Variants in HMCN1 observed in about 807,000 individuals in gnomAD.
HMCN1 encodes hemicentin 1.
A neutral mutation model predicts 625.9 loss-of-function variants in HMCN1; 321 were observed. The ratio of observed to expected loss-of-function variants is 0.51; its 90% CI spans 0.47 to 0.56. The LOEUF (loss-of-function observed/expected upper bound fraction) is 0.56. Among genes scored for constraint, HMCN1 ranks in the 20% least tolerant of loss-of-function variants. HMCN1 has a pLI of 0.00. For missense variants in HMCN1, 6,588 were observed against 6,887.3 expected, an observed-to-expected ratio of 0.96 and a Z score of 1.54; for synonymous variants, 2,425 against 2,417.6, an observed-to-expected ratio of 1.00 and a Z score of -0.09.
intron 38 of HMCN1, 113 bp from the exon 39 acceptor site, chr1:186,039,615 A>C: frequency 8.4e-7 from 1 of 1,188,744 alleles, no homozygotes; most frequent in Non-Finnish European, 1.3e-6. Context: ...ACCAAAAAAC[A>C]AGCAAACCCT....
intron 80 of HMCN1, among the ~76,000 whole-genome samples, chr1:186,122,544 G>A (rs1051903894): frequency 6.6e-6 from 1 of 152,104 alleles, no homozygotes; most frequent in Non-Finnish European, 1.5e-5. Context: ...ATGGAAATAC[G>A]TAAGTAAAAG....
Position 186,045,753 on chromosome 1 carries a change from C to A in HMCN1, c.6370C>A (p.Leu2124Ile), listed in dbSNP as rs1656522211. The change falls in exon 41 of 107, where the codon CTA (leucine) becomes ATA (isoleucine). Residue 2124 changes from leucine (L) to isoleucine (I), a missense_variant. Coordinates refer to ENST00000271588, the MANE Select transcript of HMCN1 (RefSeq NM_031935.3). The part of the protein sequence containing the change: ...SVLISQAVEL[L>I]CQSDAIPPPT... Reference sequence around the variant, plus strand: ...CCTCATTAGCCAAGCTGTGGAATTACTATGTCAAAGTGATGCTATTCCCCC... The same window carrying A: ...CCTCATTAGCCAAGCTGTGGAATTAATATGTCAAAGTGATGCTATTCCCCC... 6.2e-7 allele frequency: 1 copy of A among 1,612,926 alleles called. No homozygotes were observed. Among genetic ancestry groups the A allele is most frequent in the African/African-American group, 1.3e-5 (1 of 74,856 alleles).
intron 1 of HMCN1, among the ~76,000 whole-genome samples, chr1:185,784,136 G>A (rs987058984): frequency 5.9e-5 from 9 of 152,334 alleles, no homozygotes; most frequent in South Asian, 4.1e-4. Context: ...CTCTGTGGGC[G>A]TGGGACCCTC....
In HMCN1 at chr1:186,178,714, T is replaced by C; in HGVS notation, c.16242T>C (p.Thr5414=). The C allele has an allele frequency of 1.2e-6, 2 of 1,614,134 alleles. No homozygotes were observed. Among genetic ancestry groups the C allele is most frequent in the Non-Finnish European group, 1.7e-6 (2 of 1,179,970 alleles). Residue 5414 remains threonine, a synonymous_variant, in exon 104 of 107, where the codon ACT becomes ACC. Transcript: ENST00000271588. The part of the protein sequence containing the change: ...SRTSLSRTRR[T]IRKTCPEGSE... The stretch of plus-strand genomic sequence containing the variant: ...CATCTCTCTCCAGGACTAGAAGGAC[T>C]ATTAGGAAAACTTGCCCTGAAGGCT...
chr1:186,095,344 A>G lies in HMCN1; in HGVS notation c.10396A>G (p.Ser3466Gly), dbSNP rs146782278. 5.6e-6 allele frequency: 9 copies of G among 1,613,636 alleles called. No homozygotes were observed. In the African/African-American group the frequency reaches 1.2e-4, roughly 22 times the overall value. Residue 3466 changes from serine to glycine, a missense_variant, in exon 68 of 107, where the codon AGT becomes GGT. Physicochemically the swap from Ser to Gly is moderately conservative, Grantham distance 56 (BLOSUM62 0). Coordinates refer to ENST00000271588, the MANE Select transcript of HMCN1 (RefSeq NM_031935.3). ...ACITDGTPAP[S>G]MAWLRDGQPL... ...CATTACTGATGGAACCCCAGCTCCCAGTATGGCCTGGCTTAGAGATGGCCA... is the reference window on the plus strand; with the variant it reads ...CATTACTGATGGAACCCCAGCTCCCGGTATGGCCTGGCTTAGAGATGGCCA...
rs1662688401 is a variant in HMCN1 at position 185,859,019 on chromosome 1, AT to A, written c.340-5450del. 7.5e-3 allele frequency among the ~76,000 whole-genome samples: 1,056 copies of A among 140,006 alleles called. 19 individuals are homozygous for A. The highest frequency in any genetic ancestry group is 0.027 in the African/African-American group (1,025 of 38,040). The allele number at this position is 140,006 out of a possible 152,430, so 91.8% of individuals were successfully genotyped here. A position where few individuals can be genotyped will look rare whatever the true frequency, so the allele number is the denominator to read the frequency against. ...CTATAAAGAAACCAGTGGGTTAAAG[AT>A]GTGTGTGTGTGTGTGTGTGTGTGTG... On this transcript the variant is annotated intron_variant, in intron 2 of 106. Coordinates refer to ENST00000271588, the MANE Select transcript of HMCN1 (RefSeq NM_031935.3).
At chr1:186,119,156 G>A in intron 77 of HMCN1, 35 bp from the exon 78 acceptor site, 1 of 1,448,112 alleles carries the variant, frequency 6.9e-7, no homozygotes, top group Non-Finnish European at 9.7e-7. Context: ...AAACTGAGAT[G>A]CAGTATATAT....
At chr1:185,986,021 T>C (rs1269730198) in intron 19 of HMCN1, among the ~76,000 whole-genome samples, 1 of 152,220 alleles carries the variant, frequency 6.6e-6, no homozygotes, top group Admixed American at 6.5e-5. Context: ...AAACTCAGTA[T>C]GTTTGTATCA....
intron 36 of HMCN1, 98 bp downstream of exon 36, chr1:186,023,251 G>C: frequency 9.5e-7 from 1 of 1,058,038 alleles, no homozygotes; most frequent in Admixed American, 1.9e-5. Flanking sequence ...AAAGAAACAG[G>C]TGTTTATTTT....
chr1:185,883,493 A>T (rs989123516), intron 4 of HMCN1, among the ~76,000 whole-genome samples: 1 of 152,010 alleles, frequency 6.6e-6, no homozygotes, highest in African/African-American at 2.4e-5. Flanking sequence ...AAAATTTCAT[A>T]TAAATGGAAA....
At chr1:186,121,266 A>T (rs572827269) in intron 80 of HMCN1, among the ~76,000 whole-genome samples, 1 of 152,302 alleles carries the variant, frequency 6.6e-6, no homozygotes, top group East Asian at 1.9e-4. Flanking sequence ...TGTAGATTTT[A>T]TTCTCTGTGC....
chr1:185,990,092 T>C lies in HMCN1; in HGVS notation c.3209-183T>C, dbSNP rs557432294. 6.1e-4 allele frequency among the ~76,000 whole-genome samples: 93 copies of C among 152,280 alleles called. 3 individuals are homozygous for C. The South Asian group carries it at 0.019, about 31-fold the overall frequency. On this transcript the variant is annotated intron_variant, in intron 21 of 106. Transcript: ENST00000271588. ...AAAAGGAATTACTGACTAGAGAAAG[T>C]TTTTCGTCATTTCTCTTTTAGTTCT...
Position 186,123,027 on chromosome 1 carries a change from A to G in HMCN1, c.12306A>G (p.Ala4102=), listed in dbSNP as rs1661469322. 1 of 1,614,160 alleles carries G rather than the reference A, an allele frequency of 6.2e-7. No homozygotes were observed. The highest frequency in any genetic ancestry group is 8.5e-7 in the Non-Finnish European group (1 of 1,180,008). ...AGCCCATCACGTTATCCTGTGAAGC[A>G]GATGGCCTCCCTCCGCCTGACATTA... The part of the protein sequence containing the change: ...VDKPITLSCE[A]DGLPPPDITW... The change falls in exon 81 of 107, where the codon GCA becomes GCG. Residue 4102 remains alanine, a synonymous_variant. Transcript: ENST00000271588.
Position 186,018,338 on chromosome 1 carries a change from A to G in HMCN1, c.5456A>G (p.Glu1819Gly), listed in dbSNP as rs767377211. 5 of 1,612,766 alleles carry G rather than the reference A, an allele frequency of 3.1e-6. No homozygotes were observed. In the East Asian group the frequency reaches 1.1e-4, roughly 36 times the overall value. Reference protein sequence around the residue: ...NTAGDHKKEFEVTVHVPPTIK... With the variant: ...NTAGDHKKEFGVTVHVPPTIK... ...GCTGGAGACCACAAGAAGGAATTTG[A>G]AGTGACTGTTCATGGTATGCTGAAG... Residue 1819 changes from glutamate to glycine, a missense_variant, in exon 34 of 107, where the codon GAA becomes GGA. This residue lies in a region of HMCN1 where 4,628 missense variants were observed against 4,853.1 expected (regional missense o/e 0.95). Coordinates refer to ENST00000271588, the MANE Select transcript of HMCN1 (RefSeq NM_031935.3).
chr1:186,142,968 G>A (rs1235914436), intron 89 of HMCN1, among the ~76,000 whole-genome samples: 1 of 152,156 alleles, frequency 6.6e-6, no homozygotes, highest in Non-Finnish European at 1.5e-5. Flanking sequence ...GTCAATATTT[G>A]AGGGCTATGA....
intron 6 of HMCN1, among the ~76,000 whole-genome samples, chr1:185,912,851 G>T (rs1479737346): frequency 6.6e-6 from 1 of 152,016 alleles, no homozygotes; most frequent in Non-Finnish European, 1.5e-5. Flanking sequence ...CTTTCTGGGA[G>T]AACTCAAATG....
intron 52 of HMCN1, among the ~76,000 whole-genome samples, chr1:186,071,890 AGTT>A (rs1300411000): frequency 6.6e-6 from 1 of 152,212 alleles, no homozygotes; most frequent in Non-Finnish European, 1.5e-5. Flanking sequence ...TCTTTTCTAA[AGTT>A]GTTTCATTCC....
chr1:185,841,941 G>A (rs1213107007), intron 1 of HMCN1, among the ~76,000 whole-genome samples: 2 of 152,178 alleles, frequency 1.3e-5, no homozygotes, highest in Admixed American at 6.5e-5. Flanking sequence ...TGAATACCTT[G>A]TGAACTTGAT....
At chr1:186,110,463 A>T (rs1182694252) in intron 71 of HMCN1, among the ~76,000 whole-genome samples, 1 of 152,254 alleles carries the variant, frequency 6.6e-6, no homozygotes, top group Non-Finnish European at 1.5e-5. Flanking sequence ...AGGCCACAGA[A>T]GGTACAAATA....
Sources: allele counts gnomAD v4.1 joint callset (sites outside exome capture counted in the v4.1 genomes callset), GRCh38; gene constraint gnomAD v4.1.1; regional missense constraint gnomAD v4.1.1; transcripts MANE v1.5; gene names NCBI Gene and HGNC (gene_info 2026-07-23, HGNC 2026-07-21).